PPP3CA: variants seen among roughly 807,000 people sequenced by gnomAD.
PPP3CA encodes the protein protein phosphatase 3 catalytic subunit alpha, also known as CAM-PRP catalytic subunit.
Under a neutral mutation model 66.5 loss-of-function variants are expected in PPP3CA, and 14 were observed. The ratio of observed to expected loss-of-function variants is 0.21; its 90% confidence interval spans 0.14 to 0.33. The LOEUF is 0.33. PPP3CA is among the 10% of genes least tolerant of loss of function. The pLI is 1.00. For missense variants in PPP3CA, 317 were observed against 639.5 expected (o/e 0.50, Z 5.44); for synonymous variants, 232 against 226.2 (o/e 1.03, Z -0.23).
chr4:101,071,250 C>T lies in PPP3CA; in HGVS notation c.956-7893G>A, dbSNP rs1578419515. Among the ~76,000 whole-genome samples, 3 of 152,278 alleles carry T rather than the reference C, an allele frequency of 2.0e-5. No individual in the cohort carries two copies. In the East Asian group the frequency reaches 5.8e-4, roughly 29 times the overall value. ...CTTCAAGCTTGGACTTTGTATCAGGCCTTGAGCTATAGCTTGCAATGATTC... is the reference window on the plus strand; with the variant it reads ...CTTCAAGCTTGGACTTTGTATCAGGTCTTGAGCTATAGCTTGCAATGATTC... On this transcript the variant is annotated intron_variant, in intron 8 of 13. Coordinates refer to ENST00000394854, the MANE Select transcript of PPP3CA (RefSeq NM_000944.5).
intron 1 of PPP3CA, among the ~76,000 whole-genome samples, chr4:101,204,899 T>C (rs1030757911): frequency 6.6e-6 from 1 of 151,026 alleles, no homozygotes; most frequent in African/African-American, 2.4e-5. Context: ...TACTCTACAA[T>C]GTTTTTTAAA....
At chr4:101,079,303 C>A (rs868043484) in intron 8 of PPP3CA, among the ~76,000 whole-genome samples, 19 of 151,930 alleles carry the variant, frequency 1.3e-4, no homozygotes, top group Admixed American at 3.9e-4. Flanking sequence ...ACTAGGCTGC[C>A]TTTTACCACC....
chr4:101,345,980 G>A (rs1328233238), intron 1 of PPP3CA, among the ~76,000 whole-genome samples: 1 of 152,200 alleles, frequency 6.6e-6, no homozygotes, highest in Non-Finnish European at 1.5e-5. Context: ...GGCTGGAGAA[G>A]TGGTTTTCGT....
chr4:101,108,865 C>T (rs1721543606), intron 3 of PPP3CA, 89 bp downstream of exon 3: 2 of 1,296,610 alleles, frequency 1.5e-6, no homozygotes, highest in Non-Finnish European at 2.2e-6. Flanking sequence ...TTAGAGGTTT[C>T]CATAAGGCAA....
At chr4:101,154,596 T>C (rs1374872860) in intron 2 of PPP3CA, among the ~76,000 whole-genome samples, 1 of 151,972 alleles carries the variant, frequency 6.6e-6, no homozygotes, top group Admixed American at 6.6e-5. Flanking sequence ...TAATAGAGAG[T>C]CACTGGATTT....
chr4:101,074,305 A>G (rs995359180), intron 8 of PPP3CA, among the ~76,000 whole-genome samples: 4 of 152,154 alleles, frequency 2.6e-5, no homozygotes, highest in Admixed American at 6.5e-5. Flanking sequence ...CCCTCTCAGA[A>G]AGATCTGAGC....
chr4:101,286,289 G>C (rs1205833863), intron 1 of PPP3CA, among the ~76,000 whole-genome samples: 1 of 152,102 alleles, frequency 6.6e-6, no homozygotes, highest in Non-Finnish European at 1.5e-5. Context: ...GGAGGCCCAG[G>C]GGACCCCTGC....
intron 2 of PPP3CA, among the ~76,000 whole-genome samples, chr4:101,157,866 CAAAA>C (rs770632810): frequency 4.1e-5 from 2 of 48,862 alleles, no homozygotes; most frequent in Non-Finnish European, 8.0e-5. Context: ...CCTTAGGAGG[CAAAA>C]AAAAAAAAAA....
intron 1 of PPP3CA, among the ~76,000 whole-genome samples, chr4:101,294,984 C>T (rs971741137): frequency 3.9e-5 from 6 of 152,094 alleles, no homozygotes; most frequent in African/African-American, 1.4e-4. Flanking sequence ...AGAAAAAGGG[C>T]TACTGGTATA....
intron 1 of PPP3CA, among the ~76,000 whole-genome samples, chr4:101,268,214 T>C (rs995669398): frequency 6.6e-6 from 1 of 151,928 alleles, no homozygotes; most frequent in African/African-American, 2.4e-5. Flanking sequence ...TAAAAATCAA[T>C]ATGAAGAAGA....
intron 1 of PPP3CA, among the ~76,000 whole-genome samples, chr4:101,226,321 A>G (rs956641924): frequency 5.3e-5 from 8 of 151,718 alleles, no homozygotes; most frequent in African/African-American, 1.9e-4. Context: ...GCACCTGGCA[A>G]AATTTCCTAA....
chr4:101,330,451 C>A (rs1312536474), intron 1 of PPP3CA: 2 of 532,672 alleles, frequency 3.8e-6, no homozygotes, highest in Non-Finnish European at 7.7e-6. Context: ...ACAGCCACCC[C>A]AAGACACTGA....
intron 10 of PPP3CA, among the ~76,000 whole-genome samples, chr4:101,041,943 T>C (rs967002973): frequency 1.5e-4 from 23 of 152,160 alleles, no homozygotes; most frequent in Admixed American, 1.4e-3. Context: ...CGGTAGTCTA[T>C]AGATGATAAC....
At chr4:101,028,277 A>C (rs1343529181) in intron 13 of PPP3CA, among the ~76,000 whole-genome samples, 3 of 152,232 alleles carry the variant, frequency 2.0e-5, no homozygotes, top group Non-Finnish European at 4.4e-5. Context: ...TTTCCAAAGG[A>C]TATGGTATGT....
At chr4:101,079,327 A>T (rs1729330686) in intron 8 of PPP3CA, among the ~76,000 whole-genome samples, 1 of 148,826 alleles carries the variant, frequency 6.7e-6, no homozygotes, top group African/African-American at 2.5e-5. Flanking sequence ...TCTGGGCTAT[A>T]TTTGACCTTA....
intron 1 of PPP3CA, among the ~76,000 whole-genome samples, chr4:101,199,977 GC>G (rs1724918604): frequency 6.6e-6 from 1 of 152,174 alleles, no homozygotes; most frequent in African/African-American, 2.4e-5. Context: ...AGTAATCCTA[GC>G]CCTCATTCTG....
chr4:101,250,301 G>GCTCTACTT, intron 1 of PPP3CA: 1 of 454,746 alleles, frequency 2.2e-6, no homozygotes, highest in Non-Finnish European at 4.4e-6. Context: ...ACTAATCCAA[G>GCTCTACTT]CTCTACTTCT....
Position 101,025,856 on chromosome 4 carries a change from AG to A in PPP3CA, c.*8del, listed in dbSNP as rs760042744. ...AAAAAAAAAAAAAAAAAAAGTGAAC[AG>A]GAAGTGGTCACTGAATATTGCTGCT... On this transcript the variant is annotated 3_prime_UTR_variant, in exon 14 of 14. Transcript: ENST00000394854. 4.0e-6 allele frequency: 5 copies of A among 1,236,232 alleles called. No homozygotes were observed. The highest frequency in any genetic ancestry group is 3.2e-5 in the African/African-American group (2 of 63,086). 76.6% of individuals were successfully genotyped at this position (1,236,232 alleles called of 1,614,324 possible).
chr4:101,099,074 A>G (rs191131300), intron 4 of PPP3CA, among the ~76,000 whole-genome samples: 99 of 152,320 alleles, frequency 6.5e-4, no homozygotes, highest in African/African-American at 2.2e-3. Flanking sequence ...GTATTTATAC[A>G]TAAAACAAAA....
Sources: allele counts gnomAD v4.1 joint callset (sites outside exome capture counted in the v4.1 genomes callset), GRCh38; gene constraint gnomAD v4.1.1; transcripts MANE v1.5; gene names NCBI Gene and HGNC (gene_info 2026-07-23, HGNC 2026-07-21).